The following PARN variants were observed in gnomAD, a reference collection of about 807,000 sequenced individuals.
PARN encodes the protein poly(A)-specific ribonuclease.
PARN carries 71 observed loss-of-function variants against 102.8 expected under a neutral mutation model. The observed-to-expected ratio is 0.69, with a 90% CI of 0.57 to 0.84. PARN has a LOEUF of 0.84. Among genes scored for constraint, PARN ranks in the 40% least tolerant of loss-of-function variants. PARN has a pLI of 0.00. For missense variants in PARN, 782 were observed against 760.9 expected (o/e 1.03, Z -0.33); for synonymous variants, 261 against 252.9 (o/e 1.03, Z -0.30).
chr16:14,458,514 G>A (rs1413503902), intron 22 of PARN, among the ~76,000 whole-genome samples: 3 of 152,184 alleles, frequency 2.0e-5, no homozygotes, highest in African/African-American at 4.8e-5. Context: ...GAACAGGAGA[G>A]GCAGCATCAG....
chr16:14,529,116 G>A (rs542408746), intron 21 of PARN, among the ~76,000 whole-genome samples: 1 of 152,298 alleles, frequency 6.6e-6, no homozygotes, highest in Admixed American at 6.5e-5. Flanking sequence ...GTGGCCCTGA[G>A]CGAGTGCCTA....
chr16:14,578,286 G>A (rs1220592284), intron 18 of PARN, among the ~76,000 whole-genome samples: 2 of 126,554 alleles, frequency 1.6e-5, no homozygotes, highest in Admixed American at 9.7e-5. Flanking sequence ...CTGAGATCAC[G>A]CCACTGCACT....
intron 20 of PARN, among the ~76,000 whole-genome samples, chr16:14,553,011 C>T (rs117412077): frequency 6.6e-6 from 1 of 151,680 alleles, no homozygotes; most frequent in Admixed American, 6.6e-5. Flanking sequence ...CCTTAACGTT[C>T]GTTCTGACTT....
At chr16:14,553,021 T>C (rs1396233099) in intron 20 of PARN, among the ~76,000 whole-genome samples, 1 of 152,026 alleles carries the variant, frequency 6.6e-6, no homozygotes, top group Non-Finnish European at 1.5e-5. Flanking sequence ...CGTTCTGACT[T>C]ATTTTAAATA....
intron 21 of PARN, among the ~76,000 whole-genome samples, chr16:14,551,518 G>A (rs530040990): frequency 2.5e-4 from 38 of 152,118 alleles, no homozygotes; most frequent in South Asian, 1.2e-3. Context: ...GCAGTGAGCC[G>A]ACATTGCGCC....
intron 18 of PARN, among the ~76,000 whole-genome samples, chr16:14,562,236 G>A (rs1416152652): frequency 2.6e-5 from 4 of 151,964 alleles, no homozygotes; most frequent in African/African-American, 9.6e-5. Flanking sequence ...CAGCACCTGG[G>A]GAGGCCAAGG....
At chr16:14,532,440 C>T (rs914085265) in intron 21 of PARN, among the ~76,000 whole-genome samples, 6 of 152,012 alleles carry the variant, frequency 3.9e-5, no homozygotes, top group Non-Finnish European at 7.4e-5. Flanking sequence ...CGCCCTTAAT[C>T]CATTTAACCC....
chr16:14,627,727 C>T (rs538113300), intron 3 of PARN, among the ~76,000 whole-genome samples: 1 of 152,250 alleles, frequency 6.6e-6, no homozygotes, highest in African/African-American at 2.4e-5. Context: ...GTGGCTCACA[C>T]CTGTAATCCC....
At chr16:14,559,227 GTTTT>G (rs963443305) in intron 18 of PARN, among the ~76,000 whole-genome samples, 2 of 145,950 alleles carry the variant, frequency 1.4e-5, no homozygotes, top group African/African-American at 2.5e-5. Context: ...AGATGTTGTT[GTTTT>G]TTTTTTATTT....
intron 21 of PARN, among the ~76,000 whole-genome samples, chr16:14,520,480 C>T (rs1220890696): frequency 2.0e-5 from 3 of 152,018 alleles, no homozygotes; most frequent in African/African-American, 7.3e-5. Flanking sequence ...GTAATCTCAG[C>T]ACTTTGGGAG....
intron 22 of PARN, among the ~76,000 whole-genome samples, chr16:14,451,869 CAAAAAAAAAAAA>C (rs869041563): frequency 1.1e-4 from 6 of 52,498 alleles, no homozygotes; most frequent in Admixed American, 2.8e-4. Context: ...AAAAAAAATA[CAAAAAAAAAAAA>C]AAAAAAAAAA....
At chr16:14,474,275 G>A (rs1262046000) in intron 22 of PARN, among the ~76,000 whole-genome samples, 1 of 152,166 alleles carries the variant, frequency 6.6e-6, no homozygotes, top group African/African-American at 2.4e-5. Context: ...AAAGTGCTGG[G>A]GTTACAGGCA....
Position 14,585,361 on chromosome 16 carries a change from T to G in PARN, c.963-570A>C, listed in dbSNP as rs1230878014. ...GAAACCCACATGAAAACTCTATTTCTCTGTTTTTTTTTTTTTTTTTTTTCA... is the reference window on the plus strand; with the variant it reads ...GAAACCCACATGAAAACTCTATTTCGCTGTTTTTTTTTTTTTTTTTTTTCA... On this transcript the variant is annotated intron_variant, in intron 14 of 23. Transcript: ENST00000437198. Among the ~76,000 whole-genome samples, 12 of 135,662 alleles carry G rather than the reference T, an allele frequency of 8.8e-5. No homozygotes were observed. In the South Asian group the frequency reaches 3.1e-3, roughly 35 times the overall value. 89.0% of individuals were successfully genotyped at this position (135,662 alleles called of 152,430 possible). A position where few individuals can be genotyped will look rare whatever the true frequency, so the allele number is the denominator to read the frequency against.
At chr16:14,616,279 T>G (rs1971897755) in intron 6 of PARN, among the ~76,000 whole-genome samples, 1 of 152,190 alleles carries the variant, frequency 6.6e-6, no homozygotes, top group African/African-American at 2.4e-5. Flanking sequence ...GTCACCTCCC[T>G]GATGTAGAAG....
intron 22 of PARN, among the ~76,000 whole-genome samples, chr16:14,479,843 T>C (rs1431466989): frequency 2.0e-5 from 3 of 151,496 alleles, no homozygotes; most frequent in East Asian, 3.9e-4. Flanking sequence ...CTGATTTCCA[T>C]ATCTTACTCC....
At chr16:14,566,719 TAAAC>T (rs1968458076) in intron 18 of PARN, among the ~76,000 whole-genome samples, 1 of 152,168 alleles carries the variant, frequency 6.6e-6, no homozygotes, top group Non-Finnish European at 1.5e-5. Flanking sequence ...ATTATAATAA[TAAAC>T]AAGCTATTAA....
At chr16:14,536,350 T>C (rs978299329) in intron 21 of PARN, among the ~76,000 whole-genome samples, 15 of 152,178 alleles carry the variant, frequency 9.9e-5, no homozygotes, top group Non-Finnish European at 2.1e-4. Context: ...TTTCATTATA[T>C]CTACTGACAA....
chr16:14,518,291 C>CAAAA (rs34169116), intron 21 of PARN, among the ~76,000 whole-genome samples: 12 of 52,262 alleles, frequency 2.3e-4, no homozygotes, highest in Admixed American at 8.9e-4. Context: ...GACCCTGTCT[C>CAAAA]AAAAAAAAAA....
chr16:14,600,656 T>G, intron 11 of PARN, among the ~76,000 whole-genome samples: 1 of 151,940 alleles, frequency 6.6e-6, no homozygotes. Flanking sequence ...ACTGGCTGGG[T>G]GAAGTGGCTC....
Sources: gnomAD v4.1 joint callset for allele counts (sites outside exome capture counted in the v4.1 genomes callset) on GRCh38, gnomAD v4.1.1 for gene constraint, MANE v1.5 for transcripts, NCBI Gene and HGNC (gene_info 2026-07-23, HGNC 2026-07-21) for gene names.